The following ERI2 variants were observed in gnomAD, a reference collection of about 807,000 sequenced individuals.
ERI2 encodes ERI1 exoribonuclease family member 2.
ERI2 carries 35 observed loss-of-function variants against 46.8 expected under a neutral mutation model. That is an observed-to-expected ratio of 0.75 (90% CI 0.57 to 0.99). The LOEUF is 0.99. ERI2 is among the 50% of genes least tolerant of loss of function. The pLI is 0.00. For synonymous variants in ERI2, 224 were observed against 271.0 expected, an observed-to-expected ratio of 0.83 and a Z score of 1.70; for missense variants, 695 against 796.2, an observed-to-expected ratio of 0.87 and a Z score of 1.53.
chr16:20,804,348 C>T (rs2152496084), intron 1 of ERI2, among the ~76,000 whole-genome samples: 1 of 152,128 alleles, frequency 6.6e-6, no homozygotes, highest in Middle Eastern at 3.4e-3. Flanking sequence ...TTCAGTCTTC[C>T]AGTTTAAAAA....
chr16:20,790,781 ACT>A lies in ERI2; in HGVS notation c.815+67_815+68del. On this transcript the variant is annotated intron_variant, in intron 9 of 10. Coordinates refer to the ERI2 transcript ENST00000300005. The surrounding 1 kb of genome is among the most constrained non-coding windows in gnomAD (Gnocchi z 4.0). Reference sequence around the variant, plus strand: ...GCCACAAAACATACCTAGGATAGGTACTTGACCCTTTCTTGAGAGATTGGTTG... The same window carrying A: ...GCCACAAAACATACCTAGGATAGGTATGACCCTTTCTTGAGAGATTGGTTG... The A allele has an allele frequency of 5.0e-6, 8 of 1,613,412 alleles. No individual in the cohort carries two copies. In the South Asian group the frequency reaches 8.8e-5, roughly 18 times the overall value.
chr16:20,801,167 C>A, intron 5 of ERI2, 36 bp downstream of exon 5: 2 of 1,524,098 alleles, frequency 1.3e-6, no homozygotes, highest in South Asian at 1.3e-5. Flanking sequence ...GGTAATGCTA[C>A]CCATCTGTGA....
At chr16:20,781,592 A>C (rs2074542) in intron 10 of ERI2, 118,714 of 817,170 alleles carry the variant, frequency 0.15, 9,231 homozygotes, top group Middle Eastern at 0.24. Flanking sequence ...AAGAAAAGGT[A>C]AGAATGTATT....
At position 20,797,058 on chromosome 16, in the gene ERI2, A is replaced by C. The variant is rs2080737097; in HGVS notation, c.*666T>G. 1 of 1,523,082 alleles carries C rather than the reference A, an allele frequency of 6.6e-7. No homozygotes were observed. Among genetic ancestry groups the C allele is most frequent in the Admixed American group, 2.4e-5 (1 of 42,382 alleles). 94.3% of individuals were successfully genotyped at this position (1,523,082 alleles called of 1,614,324 possible). ...CCACAAGATGATGGAGAGGTCATAA[A>C]AACTGTGGTAGTATGCTTAGAAACT... On this transcript the variant is annotated 3_prime_UTR_variant, in exon 9 of 9. Coordinates refer to ENST00000357967, the MANE Select transcript of ERI2 (RefSeq NM_001142725.2).
Position 20,797,643 on chromosome 16 carries a change from A to T in ERI2, c.*81T>A. On this transcript the variant is annotated 3_prime_UTR_variant, in exon 9 of 9. Transcript: ENST00000357967. Reference sequence around the variant, plus strand: ...CAGTAAACATTAATATATAAAATAAAAATAAAATAGTGTAAGATGTTATCA... The same window carrying T: ...CAGTAAACATTAATATATAAAATAATAATAAAATAGTGTAAGATGTTATCA... 7.2e-7 allele frequency: 1 copy of T among 1,381,876 alleles called. No homozygotes were observed. The highest frequency in any genetic ancestry group is 9.4e-7 in the Non-Finnish European group (1 of 1,065,912). The allele number at this position is 1,381,876 out of a possible 1,614,324, so 85.6% of individuals were successfully genotyped here. A position where few individuals can be genotyped will look rare whatever the true frequency, so the allele number is the denominator to read the frequency against.
chr16:20,801,735 T>C (rs2152495498), intron 4 of ERI2, among the ~76,000 whole-genome samples: 1 of 152,302 alleles, frequency 6.6e-6, no homozygotes, highest in Non-Finnish European at 1.5e-5. Flanking sequence ...TTATTCTTCC[T>C]TTGCTGTGTA....
Position 20,806,410 on chromosome 16 carries a change from C to A in ERI2, c.21G>T (p.Ala7=). The A allele has an allele frequency of 6.4e-7, 1 of 1,550,778 alleles. No individual in the cohort carries two copies. MATKRL[A]RQLGLIRRKS... is the part of the protein sequence containing the mutation. Reference sequence around the variant, plus strand: ...CGACCCGGAACTCCCTCGAGTACCGCGCGAGCCGCTTGGTCGCCATTCCCG... The same window carrying A: ...CGACCCGGAACTCCCTCGAGTACCGAGCGAGCCGCTTGGTCGCCATTCCCG... Residue 7 remains alanine, a splice_region_variant and synonymous_variant, in exon 1 of 9, where the codon GCG becomes GCT. Coordinates refer to ENST00000357967, the MANE Select transcript of ERI2 (RefSeq NM_001142725.2).
At position 20,801,280 on chromosome 16, in the gene ERI2, T is replaced by A. The variant is rs2080792796; in HGVS notation, c.383A>T (p.Lys128Met). ...AATCCCAGTAGCAAAAATAATGTTC[T>A]TCTGTTGCTGAATCTTATGAATCCA... ...CKWIHKIQQQ[K>M]NIIFATGISE... is the part of the protein sequence containing the mutation. The change falls in exon 5 of 9, where the codon AAG (lysine) becomes ATG (methionine). Residue 128 changes from lysine (K) to methionine (M), a missense_variant. Transcript: ENST00000357967. 6.2e-7 allele frequency: 1 copy of A among 1,613,004 alleles called. No individual in the cohort carries two copies. The highest frequency in any genetic ancestry group is 1.7e-5 in the Admixed American group (1 of 59,870).
Position 20,798,046 on chromosome 16 carries a change from T to C in ERI2, c.1754A>G (p.Glu585Gly). The stretch of plus-strand genomic sequence containing the variant: ...TGTCATTTTCCCACTCTTCCATGGC[T>C]CTTGTAGGTTAACTGTAGAAGTTAA... ...SILTSTVNLQ[E>G]PWKSGKMTPP... Residue 585 changes from glutamate (E) to glycine (G), a missense_variant, in exon 9 of 9, where the codon GAG becomes GGG. Glu to Gly is a moderately conservative substitution (Grantham distance 98, BLOSUM62 -2). Coordinates refer to ENST00000357967, the MANE Select transcript of ERI2 (RefSeq NM_001142725.2). 8 of 1,551,690 alleles carry C rather than the reference T, an allele frequency of 5.2e-6. No individual in the cohort carries two copies. Among genetic ancestry groups the C allele is most frequent in the Non-Finnish European group, 7.0e-6 (8 of 1,146,942 alleles).
exon 11 of ERI2, chr16:20,780,728 G>C (rs752920558): frequency 6.2e-7 from 1 of 1,614,164 alleles, no homozygotes; most frequent in Admixed American, 1.7e-5. Flanking sequence ...GCCAGTGACA[G>C]CCACACCTGT....
chr16:20,791,949 T>A, downstream of ERI2: 2 of 1,574,766 alleles, frequency 1.3e-6, no homozygotes, highest in Middle Eastern at 1.7e-4. Context: ...AAAATTCCAA[T>A]TGACCAGAAG....
rs1462929231 is a variant in ERI2 at position 20,780,375 on chromosome 16, T to C, written c.*267A>G. 1.8e-5 allele frequency: 8 copies of C among 444,260 alleles called. No homozygotes were observed. The East Asian group carries it at 2.5e-4, about 14-fold the overall frequency. 27.5% of individuals were successfully genotyped at this position (444,260 alleles called of 1,614,324 possible). A position where few individuals can be genotyped will look rare whatever the true frequency, so the allele number is the denominator to read the frequency against. On this transcript the variant is annotated 3_prime_UTR_variant, in exon 11 of 11. Transcript: ENST00000300005. ...GGGAGGGAAGGGGAAAATTCTTCCT[T>C]ATCCATGATTGCAAGATCACACAGA...
rs1213252139 is a variant in ERI2, at chr16:20,797,661, T to A, written c.*63A>T. ...AAAATAAAAATAAAATAGTGTAAGA[T>A]GTTATCAGAATACTCATGTTTGGAA... On this transcript the variant is annotated 3_prime_UTR_variant, in exon 9 of 9. Transcript: ENST00000357967. 1.4e-6 allele frequency: 2 copies of A among 1,438,762 alleles called. No individual in the cohort carries two copies. Among genetic ancestry groups the A allele is most frequent in the Non-Finnish European group, 1.8e-6 (2 of 1,096,210 alleles). The allele number at this position is 1,438,762 out of a possible 1,614,324, so 89.1% of individuals were successfully genotyped here.
At chr16:20,786,453 G>A (rs1333129918) in intron 10 of ERI2, 8 of 414,162 alleles carry the variant, frequency 1.9e-5, no homozygotes, top group Non-Finnish European at 2.8e-5. Context: ...GGCCAAGGCG[G>A]GAGCATCACT....
chr16:20,789,521 A>G, exon 10 of ERI2: 1 of 1,613,852 alleles, frequency 6.2e-7, no homozygotes, highest in Non-Finnish European at 8.5e-7. Flanking sequence ...GTTTACTCAT[A>G]TTGGGCTTCT....
intron 4 of ERI2, among the ~76,000 whole-genome samples, chr16:20,802,025 C>T (rs1206754853): frequency 6.7e-6 from 1 of 148,946 alleles, no homozygotes; most frequent in East Asian, 2.1e-4. Context: ...TCCCAAAGTA[C>T]TGAGATTACA....
intron 1 of ERI2, chr16:20,806,046 C>T: frequency 1.7e-6 from 2 of 1,205,274 alleles, no homozygotes; most frequent in East Asian, 3.7e-5. Flanking sequence ...AGGTTGAACA[C>T]CTTGACAGAT....
chr16:20,805,943 T>G (rs1596555613), intron 1 of ERI2: 2 of 1,013,024 alleles, frequency 2.0e-6, no homozygotes, highest in East Asian at 8.9e-5. Flanking sequence ...GAGTGTACCC[T>G]TTCTGCAGGA....
At position 20,797,507 on chromosome 16, in the gene ERI2, G is replaced by A. The variant is rs2080743693; in HGVS notation, c.*217C>T. Reference sequence around the variant, plus strand: ...AAAAATAGTTTAGACTTGTTTCAAGGTCTAACTATAAAAGAAGGATCATAT... The same window carrying A: ...AAAAATAGTTTAGACTTGTTTCAAGATCTAACTATAAAAGAAGGATCATAT... On this transcript the variant is annotated 3_prime_UTR_variant, in exon 9 of 9. Transcript: ENST00000357967. 1.7e-6 allele frequency: 2 copies of A among 1,149,466 alleles called. No individual in the cohort carries two copies. The highest frequency in any genetic ancestry group is 8.9e-5 in the Admixed American group (2 of 22,472). 71.2% of individuals were successfully genotyped at this position (1,149,466 alleles called of 1,614,324 possible). A position where few individuals can be genotyped will look rare whatever the true frequency, so the allele number is the denominator to read the frequency against.
Sources: allele counts gnomAD v4.1 joint callset (sites outside exome capture counted in the v4.1 genomes callset), GRCh38; gene constraint gnomAD v4.1.1; non-coding constraint Gnocchi (gnomAD v3.1); transcripts MANE v1.5; gene names NCBI Gene and HGNC (gene_info 2026-07-23, HGNC 2026-07-21).